The following IMMP2L variants were observed in gnomAD, a reference collection of about 807,000 sequenced individuals.
IMMP2L encodes inner mitochondrial membrane peptidase subunit 2.
IMMP2L carries 18 observed loss-of-function variants against 19.3 expected under a neutral mutation model. The observed-to-expected ratio is 0.93, with a 90% CI of 0.64 to 1.38. IMMP2L has a LOEUF of 1.38. IMMP2L is among the 40% of genes most tolerant of loss of function. The pLI is 0.00. For missense variants in IMMP2L, 233 were observed against 218.2 expected (o/e 1.07, Z -0.43); for synonymous variants, 76 against 73.0 (o/e 1.04, Z -0.21).
chr7:111,337,284 G>A (rs1378299852), intron 3 of IMMP2L, among the ~76,000 whole-genome samples: 1 of 151,930 alleles, frequency 6.6e-6, no homozygotes. Context: ...ATATTGATTT[G>A]CCTATCTTTT....
At chr7:111,116,779 C>A (rs899114658) in intron 3 of IMMP2L, among the ~76,000 whole-genome samples, 14 of 152,042 alleles carry the variant, frequency 9.2e-5, no homozygotes, top group South Asian at 2.1e-4. Context: ...AAACACCCAA[C>A]AATAATAACA....
chr7:111,237,705 T>A (rs1180754319), intron 3 of IMMP2L, among the ~76,000 whole-genome samples: 1 of 151,980 alleles, frequency 6.6e-6, no homozygotes, highest in Non-Finnish European at 1.5e-5. Context: ...AAAAAAACTT[T>A]AGGACAATTT....
At chr7:111,031,934 A>ATT (rs57560784) in intron 3 of IMMP2L, among the ~76,000 whole-genome samples, 17,084 of 107,984 alleles carry the variant, frequency 0.16, 2,282 homozygotes, top group African/African-American at 0.29. Flanking sequence ...AACACCAGAG[A>ATT]TTTTTTTTTT....
chr7:111,069,517 T>G (rs1423371752), intron 3 of IMMP2L, among the ~76,000 whole-genome samples: 2 of 152,128 alleles, frequency 1.3e-5, no homozygotes, highest in Non-Finnish European at 2.9e-5. Context: ...AGGTAAAAAA[T>G]ATTTTAATAT....
intron 3 of IMMP2L, among the ~76,000 whole-genome samples, chr7:111,234,576 G>C (rs1004160311): frequency 2.0e-5 from 3 of 151,934 alleles, no homozygotes; most frequent in African/African-American, 7.3e-5. Context: ...AATCATGATT[G>C]GATTTGAATC....
intron 4 of IMMP2L, among the ~76,000 whole-genome samples, chr7:110,931,493 C>A (rs1318795809): frequency 6.6e-6 from 1 of 152,122 alleles, no homozygotes; most frequent in African/African-American, 2.4e-5. Context: ...AAAGAGCCAC[C>A]TCTGATTCCT....
chr7:110,805,955 A>G (rs1186876096), intron 5 of IMMP2L, among the ~76,000 whole-genome samples: 2 of 152,006 alleles, frequency 1.3e-5, no homozygotes, highest in African/African-American at 4.8e-5. Context: ...GTCTATTTTC[A>G]GTGAAGAGTT....
intron 3 of IMMP2L, among the ~76,000 whole-genome samples, chr7:111,155,250 G>T (rs1804511670): frequency 6.6e-6 from 1 of 152,086 alleles, no homozygotes; most frequent in African/African-American, 2.4e-5. Context: ...AGTAGTGTGT[G>T]TCGTTACTTT....
At chr7:110,873,778 G>GAAAA (rs572557458) in intron 5 of IMMP2L, among the ~76,000 whole-genome samples, 1 of 118,746 alleles carries the variant, frequency 8.4e-6, no homozygotes, top group Non-Finnish European at 1.8e-5. Flanking sequence ...TCTGTCTCAG[G>GAAAA]AAAAAAAAAA....
rs186735585 is a variant in IMMP2L at position 111,319,258 on chromosome 7, T to C, written c.239+167980A>G. 1.1e-4 allele frequency among the ~76,000 whole-genome samples: 16 copies of C among 152,268 alleles called. No individual in the cohort carries two copies. The East Asian group carries it at 1.5e-3, about 15-fold the overall frequency. ...TGTTCAGCAATATAAAGCTGTGACC[T>C]TGATGTTCTATATAGCTTAAAGACC... On this transcript the variant is annotated intron_variant, in intron 3 of 5. Coordinates refer to ENST00000405709, the MANE Select transcript of IMMP2L (RefSeq NM_032549.4).
At chr7:110,995,609 G>A (rs1408651603) in intron 3 of IMMP2L, among the ~76,000 whole-genome samples, 3 of 152,128 alleles carry the variant, frequency 2.0e-5, no homozygotes, top group Non-Finnish European at 4.4e-5. Context: ...CACAGACTTT[G>A]TATTTCAGTT....
chr7:111,300,717 C>T (rs1389143225), intron 3 of IMMP2L, among the ~76,000 whole-genome samples: 2 of 152,078 alleles, frequency 1.3e-5, no homozygotes, highest in Non-Finnish European at 2.9e-5. Context: ...GACCTATGTG[C>T]ATTAGTTTTC....
chr7:110,963,029 T>C (rs183098786), intron 4 of IMMP2L: 1 of 1,522,594 alleles, frequency 6.6e-7, no homozygotes, highest in African/African-American at 1.4e-5. Context: ...CATCTAAAGC[T>C]TTCATTCTTG....
At chr7:111,559,980 T>C (rs564205488) in intron 1 of IMMP2L, among the ~76,000 whole-genome samples, 1 of 151,604 alleles carries the variant, frequency 6.6e-6, no homozygotes, top group Admixed American at 6.6e-5. Flanking sequence ...AAGAAAGAAA[T>C]TTACAATTTT....
At chr7:111,557,475 T>C (rs1791509868) in intron 1 of IMMP2L, among the ~76,000 whole-genome samples, 1 of 152,188 alleles carries the variant, frequency 6.6e-6, no homozygotes, top group African/African-American at 2.4e-5. Context: ...GTTCTCGTAA[T>C]GCCACACAAC....
chr7:111,018,545 T>C (rs569042681), intron 3 of IMMP2L, among the ~76,000 whole-genome samples: 3 of 152,284 alleles, frequency 2.0e-5, no homozygotes, highest in Admixed American at 1.3e-4. Context: ...AACTAACACA[T>C]GTGGCGCTTT....
intron 3 of IMMP2L, among the ~76,000 whole-genome samples, chr7:111,221,537 G>A (rs1279635020): frequency 6.6e-6 from 1 of 151,890 alleles, no homozygotes; most frequent in African/African-American, 2.4e-5. Flanking sequence ...GATAACGTGA[G>A]CCTATACACA....
At chr7:110,991,429 C>T (rs1458670688) in intron 3 of IMMP2L, among the ~76,000 whole-genome samples, 3 of 152,070 alleles carry the variant, frequency 2.0e-5, no homozygotes, top group Admixed American at 6.6e-5. Flanking sequence ...AATTTACTAA[C>T]GGTGGTGTGG....
chr7:110,750,327 A>G (rs916251595), intron 5 of IMMP2L, among the ~76,000 whole-genome samples: 4 of 152,098 alleles, frequency 2.6e-5, no homozygotes, highest in African/African-American at 7.2e-5. Flanking sequence ...TTTCACTTCC[A>G]TAAAGGGATT....
Sources: gnomAD v4.1 joint callset for allele counts (sites outside exome capture counted in the v4.1 genomes callset) on GRCh38, gnomAD v4.1.1 for gene constraint, MANE v1.5 for transcripts, NCBI Gene and HGNC (gene_info 2026-07-23, HGNC 2026-07-21) for gene names.